Variants in TAF1B observed in about 807,000 individuals in gnomAD.
TAF1B encodes TATA-box binding protein associated factor, RNA polymerase I subunit B, also known as TATA box-binding protein-associated factor RNA polymerase I subunit B.
In TAF1B, 61 loss-of-function variants were observed where a neutral mutation model predicts 83.9. The observed-to-expected ratio is 0.73, with a 90% CI of 0.59 to 0.90. The LOEUF is 0.90. Ranked by LOEUF, TAF1B falls within the 40% of genes least tolerant of loss-of-function variation. TAF1B has a pLI of 0.00. For synonymous variants in TAF1B, 221 were observed against 224.6 expected (o/e 0.98, Z 0.14); for missense variants, 625 against 677.0 (o/e 0.92, Z 0.85).
At chr2:9,912,662 C>G (rs1665568485) in intron 11 of TAF1B, among the ~76,000 whole-genome samples, 2 of 152,312 alleles carry the variant, frequency 1.3e-5, no homozygotes, top group South Asian at 2.1e-4. Context: ...GGGCAAAGAT[C>G]ACTGTCATTT....
intron 6 of TAF1B, among the ~76,000 whole-genome samples, chr2:9,869,245 G>A (rs564003478): frequency 1.3e-5 from 2 of 151,954 alleles, no homozygotes; most frequent in East Asian, 3.9e-4. Flanking sequence ...TTGTTTTTGA[G>A]ATGGAATCTA....
intron 5 of TAF1B, among the ~76,000 whole-genome samples, chr2:9,865,758 A>T (rs944894807): frequency 6.6e-6 from 1 of 151,774 alleles, no homozygotes; most frequent in Non-Finnish European, 1.5e-5. Context: ...ATGGAACAGA[A>T]CAGAGCCATC....
At chr2:9,846,683 G>C (rs1663216677) in intron 2 of TAF1B, among the ~76,000 whole-genome samples, 3 of 152,204 alleles carry the variant, frequency 2.0e-5, no homozygotes, top group Admixed American at 2.0e-4. Flanking sequence ...GCTTTTCCTT[G>C]AGGCAGTGTT....
intron 2 of TAF1B, chr2:9,846,177 G>C (rs1443784705): frequency 4.3e-6 from 2 of 462,972 alleles, no homozygotes; most frequent in African/African-American, 4.0e-5. Context: ...CCAAGTACCA[G>C]GACTTGAATG....
chr2:9,879,428 A>G (rs964432824), intron 7 of TAF1B, among the ~76,000 whole-genome samples: 4 of 152,174 alleles, frequency 2.6e-5, no homozygotes, highest in Non-Finnish European at 4.4e-5. Flanking sequence ...TCAGAGAGAG[A>G]TGGCATGATA....
At chr2:9,887,851 G>A (rs1045698273) in intron 8 of TAF1B, among the ~76,000 whole-genome samples, 1 of 150,760 alleles carries the variant, frequency 6.6e-6, no homozygotes, top group African/African-American at 2.4e-5. Flanking sequence ...TGTTGTTGTT[G>A]TTTGTTTTAT....
chr2:9,862,702 G>A (rs1473748315), intron 5 of TAF1B, among the ~76,000 whole-genome samples: 4 of 152,116 alleles, frequency 2.6e-5, no homozygotes, highest in Non-Finnish European at 5.9e-5. Context: ...GAGAAAGGTC[G>A]GGTTACCCAC....
At chr2:9,869,806 A>G (rs1031865960) in intron 6 of TAF1B, among the ~76,000 whole-genome samples, 11 of 152,060 alleles carry the variant, frequency 7.2e-5, no homozygotes, top group Admixed American at 1.3e-4. Context: ...CGGGAGGCAG[A>G]GGTTTCAGTG....
intron 1 of TAF1B, 156 bp downstream of exon 1, chr2:9,843,715 C>G (rs536957306): frequency 1.2e-6 from 1 of 825,060 alleles, no homozygotes; most frequent in African/African-American, 1.8e-5. Flanking sequence ...AGGACTGGGG[C>G]TGGCCGGCCG....
chr2:9,904,958 C>T lies in TAF1B; in HGVS notation c.907C>T (p.His303Tyr), dbSNP rs575554596. 1 of 1,612,690 alleles carries T rather than the reference C, an allele frequency of 6.2e-7. No homozygotes were observed. The highest frequency in any genetic ancestry group is 1.7e-5 in the Admixed American group (1 of 60,022). Reference sequence around the variant, plus strand: ...AGACATAACTGAAGACTGCTATCTTCATCCCAACATACTGTGTATGAAATA... The same window carrying T: ...AGACATAACTGAAGACTGCTATCTTTATCCCAACATACTGTGTATGAAATA... ...FPDITEDCYL[H>Y]PNILCMKYLM... Residue 303 changes from histidine to tyrosine, a missense_variant, in exon 9 of 15, where the codon CAT (histidine) becomes TAT (tyrosine). Transcript: ENST00000263663.
intron 5 of TAF1B, among the ~76,000 whole-genome samples, chr2:9,855,459 G>A (rs1417399675): frequency 6.6e-6 from 1 of 152,144 alleles, no homozygotes; most frequent in African/African-American, 2.4e-5. Context: ...CAAGAGGATT[G>A]CTTGAGCCCA....
At chr2:9,876,408 G>A (rs531113597) in intron 7 of TAF1B, among the ~76,000 whole-genome samples, 1 of 152,292 alleles carries the variant, frequency 6.6e-6, no homozygotes, top group Admixed American at 6.5e-5. Flanking sequence ...GCATATATTG[G>A]TGTTAAGAGC....
At chr2:9,858,011 C>G (rs1379433756) in intron 5 of TAF1B, among the ~76,000 whole-genome samples, 1 of 152,190 alleles carries the variant, frequency 6.6e-6, no homozygotes, top group African/African-American at 2.4e-5. Context: ...CATGCCTTCC[C>G]AACAGTCTAC....
chr2:9,920,722 T>C (rs1224355964), intron 14 of TAF1B, among the ~76,000 whole-genome samples: 2 of 152,158 alleles, frequency 1.3e-5, no homozygotes, highest in East Asian at 3.9e-4. Context: ...GTCAGTGAAA[T>C]ACTCTGATCT....
intron 6 of TAF1B, among the ~76,000 whole-genome samples, chr2:9,873,439 C>G (rs1664228839): frequency 6.6e-6 from 1 of 152,086 alleles, no homozygotes; most frequent in African/African-American, 2.4e-5. Context: ...TCACCTAATA[C>G]CATAGCTTTA....
intron 14 of TAF1B, among the ~76,000 whole-genome samples, chr2:9,932,586 C>T (rs571471543): frequency 7.1e-4 from 108 of 152,236 alleles, no homozygotes; most frequent in African/African-American, 2.5e-3. Flanking sequence ...TGTCAGTCGG[C>T]CCTTACTGGG....
chr2:9,934,332 T>C lies in TAF1B; in HGVS notation c.*348T>C, dbSNP rs1244221445. 3 of 169,626 alleles carry C rather than the reference T, an allele frequency of 1.8e-5. No homozygotes were observed. Among genetic ancestry groups the C allele is most frequent in the Admixed American group, 5.8e-5 (1 of 17,186 alleles). The allele number at this position is 169,626 out of a possible 1,614,324, so 10.5% of individuals were successfully genotyped here. A position where few individuals can be genotyped will look rare whatever the true frequency, so the allele number is the denominator to read the frequency against. On this transcript the variant is annotated 3_prime_UTR_variant, in exon 15 of 15. Transcript: ENST00000263663. ...TGCCCCAGAGTAAATCCCAGATGGA[T>C]CAAAGATCTAAACATAATCTTTCAT...
At chr2:9,878,756 A>T (rs1664401268) in intron 7 of TAF1B, among the ~76,000 whole-genome samples, 1 of 152,234 alleles carries the variant, frequency 6.6e-6, no homozygotes, top group South Asian at 2.1e-4. Context: ...CCTTGCTCTC[A>T]CAAATTTCAA....
chr2:9,895,505 GAA>G (rs35432881), intron 8 of TAF1B, among the ~76,000 whole-genome samples: 5 of 149,786 alleles, frequency 3.3e-5, no homozygotes, highest in South Asian at 2.1e-4. Context: ...TGTCTCAAAA[GAA>G]AAAAAAAAAG....
Sources: gnomAD v4.1 joint callset for allele counts (sites outside exome capture counted in the v4.1 genomes callset) on GRCh38, gnomAD v4.1.1 for gene constraint, MANE v1.5 for transcripts, NCBI Gene and HGNC (gene_info 2026-07-23, HGNC 2026-07-21) for gene names.